Variants in SCN3A observed in about 807,000 individuals in gnomAD.
The protein encoded by SCN3A is sodium channel protein type 3 subunit alpha.
A neutral mutation model predicts 187.6 loss-of-function variants in SCN3A; 60 were observed. That is an observed-to-expected ratio of 0.32 (90% CI 0.26 to 0.40). The LOEUF (loss-of-function observed/expected upper bound fraction) is 0.40. Among genes scored for constraint, SCN3A ranks in the 10% least tolerant of loss-of-function variants. The pLI is 1.00. For synonymous variants in SCN3A, 788 were observed against 829.2 expected, an observed-to-expected ratio of 0.95 and a Z score of 0.85; for missense variants, 1,601 against 2,428.2, an observed-to-expected ratio of 0.66 and a Z score of 7.16.
chr2:165,196,693 A>T (rs1203157429), intron 1 of SCN3A, among the ~76,000 whole-genome samples: 3 of 152,156 alleles, frequency 2.0e-5, no homozygotes, highest in African/African-American at 7.2e-5. Context: ...AGATTAATTC[A>T]CTTCTTTCTC....
chr2:165,150,571 T>C (rs1027905690), intron 11 of SCN3A, among the ~76,000 whole-genome samples: 2 of 152,180 alleles, frequency 1.3e-5, no homozygotes, highest in Non-Finnish European at 2.9e-5. Context: ...ATTGTGATGA[T>C]TTGGTCACTA....
chr2:165,123,795 T>C (rs1207788050), intron 18 of SCN3A, among the ~76,000 whole-genome samples: 1 of 152,190 alleles, frequency 6.6e-6, no homozygotes, highest in Non-Finnish European at 1.5e-5. Flanking sequence ...AAATGCACTT[T>C]GCTAGAACTC....
chr2:165,172,165 C>G (rs540418218), intron 3 of SCN3A, among the ~76,000 whole-genome samples: 51 of 151,934 alleles, frequency 3.4e-4, no homozygotes, highest in Non-Finnish European at 4.3e-4. Context: ...CTTAACTAAC[C>G]ATTTTCCAGA....
chr2:165,114,908 T>A lies in SCN3A; in HGVS notation c.3514+547A>T, dbSNP rs534849259. ...GAGAATGAGAAAACAAAAAGACCTA[T>A]CAGATCATTTTAACTGTCCAGGAAT... is the stretch of plus-strand genomic sequence containing the variant. On this transcript the variant is annotated intron_variant, in intron 19 of 27. Transcript: ENST00000283254. Among the ~76,000 whole-genome samples, 3 of 152,268 alleles carry A rather than the reference T, an allele frequency of 2.0e-5. No individual in the cohort carries two copies. In the South Asian group the frequency reaches 6.2e-4, roughly 32 times the overall value.
intron 16 of SCN3A, 101 bp downstream of exon 16, chr2:165,131,143 T>C: frequency 1.5e-6 from 1 of 675,414 alleles, no homozygotes; most frequent in Non-Finnish European, 2.1e-6. Context: ...CATATTGATG[T>C]AAATTTAAAA....
At chr2:165,200,193 A>G (rs1278333780) in intron 1 of SCN3A, among the ~76,000 whole-genome samples, 1 of 152,116 alleles carries the variant, frequency 6.6e-6, no homozygotes, top group African/African-American at 2.4e-5. Context: ...GTACAGAAAT[A>G]GAGTTAAGTA....
intron 3 of SCN3A, among the ~76,000 whole-genome samples, chr2:165,174,009 C>G (rs568530709): frequency 6.6e-6 from 1 of 152,262 alleles, no homozygotes; most frequent in Admixed American, 6.5e-5. Context: ...CTCACATTAA[C>G]CAAACTTGAA....
At chr2:165,191,345 T>C (rs1691599774) in intron 1 of SCN3A, among the ~76,000 whole-genome samples, 1 of 152,076 alleles carries the variant, frequency 6.6e-6, no homozygotes, top group Non-Finnish European at 1.5e-5. Context: ...AATCGAATCA[T>C]ATCATTCCTC....
At chr2:165,135,979 A>T (rs900311936) in intron 15 of SCN3A, among the ~76,000 whole-genome samples, 1 of 152,128 alleles carries the variant, frequency 6.6e-6, no homozygotes, top group African/African-American at 2.4e-5. Flanking sequence ...TCATTATTTC[A>T]GTTACTACCC....
At chr2:165,152,087 G>A (rs1688717360) in intron 11 of SCN3A, among the ~76,000 whole-genome samples, 1 of 152,088 alleles carries the variant, frequency 6.6e-6, no homozygotes, top group African/African-American at 2.4e-5. Context: ...TAATTTTTAT[G>A]GGAATACAAA....
At chr2:165,172,326 C>A (rs1272889277) in intron 3 of SCN3A, among the ~76,000 whole-genome samples, 2 of 152,144 alleles carry the variant, frequency 1.3e-5, no homozygotes, top group African/African-American at 2.4e-5. Context: ...ACTTAACTAA[C>A]AATTTTCCAG....
In SCN3A at chr2:165,203,915, C is replaced by CTTTTTTTTTT. The variant is rs762858535; in HGVS notation, c.-350_-341dup. ...CGTGTCTTCCTCTGCAGCTGTTCAG[C>CTTTTTTTTTT]TTTTTTTTTTTTTTTTTTTTTTGAC... is the stretch of plus-strand genomic sequence containing the variant. On this transcript the variant is annotated 5_prime_UTR_variant, in exon 1 of 28. Coordinates refer to ENST00000283254, the MANE Select transcript of SCN3A (RefSeq NM_006922.4). 2.1e-5 allele frequency: 2 copies of CTTTTTTTTTT among 94,684 alleles called. No individual in the cohort carries two copies. Among genetic ancestry groups the CTTTTTTTTTT allele is most frequent in the African/African-American group, 4.5e-5 (1 of 22,114 alleles). 5.9% of individuals were successfully genotyped at this position (94,684 alleles called of 1,614,324 possible).
At chr2:165,170,584 G>GC in intron 3 of SCN3A, 36 bp from the exon 4 acceptor site, 4 of 1,224,876 alleles carry the variant, frequency 3.3e-6, no homozygotes, top group Non-Finnish European at 4.8e-6. Flanking sequence ...TACTAAATTA[G>GC]ACATGGGCTT....
rs202025871 is a variant in SCN3A at position 165,123,453 on chromosome 2, CA to C, written c.3393+4177del. On this transcript the variant is annotated intron_variant, in intron 18 of 27. Transcript: ENST00000283254. ...TACAGTAACTAGAGTTTCCAAATAC[CA>C]TCTAAATTAATGATTAATTTACTGT... 1.8e-3 allele frequency among the ~76,000 whole-genome samples: 272 copies of C among 152,036 alleles called. 1 individual carries two copies. Among genetic ancestry groups the C allele is most frequent in the East Asian group, 9.7e-4 (5 of 5,178 alleles).
chr2:165,127,807 C>T lies in SCN3A; in HGVS notation c.3217G>A (p.Gly1073Ser). 6.2e-7 allele frequency: 1 copy of T among 1,614,144 alleles called. No individual in the cohort carries two copies. Among genetic ancestry groups the T allele is most frequent in the South Asian group, 1.1e-5 (1 of 91,076 alleles). The change falls in exon 18 of 28, where the codon GGT (glycine) becomes AGT (serine). Residue 1073 changes from glycine (G) to serine (S), a missense_variant. Physicochemically the swap from Gly to Ser is moderately conservative, Grantham distance 56. Around this residue, in one of 11 missense-constraint regions of SCN3A, gnomAD observed 267 missense variants for 313.2 expected, o/e 0.85. Transcript: ENST00000283254. Reference protein sequence around the residue: ...YLRDGNGTTSGVGTGSSVEKY... With the variant: ...YLRDGNGTTSSVGTGSSVEKY... Reference sequence around the variant, plus strand: ...TCAACACTGCTTCCAGTACCTACACCACTGGTGGTTCCATTCCCATCTCTA... The same window carrying T: ...TCAACACTGCTTCCAGTACCTACACTACTGGTGGTTCCATTCCCATCTCTA...
chr2:165,092,661 CTT>C lies in SCN3A; in HGVS notation c.4537-139_4537-138del. ...ATATTACCCCAAACAATTTTGTGTG[CTT>C]TTTTTCTCTTCATGTTAAAAAAAAT... On this transcript the variant is annotated intron_variant, in intron 26 of 27. Transcript: ENST00000283254. This position sits in a 1 kb window ranked among gnomAD's most constrained non-coding sequence, Gnocchi z 4.2. 1 of 781,778 alleles carries C rather than the reference CTT, an allele frequency of 1.3e-6. No individual in the cohort carries two copies. The allele number at this position is 781,778 out of a possible 1,614,324, so 48.4% of individuals were successfully genotyped here. A position where few individuals can be genotyped will look rare whatever the true frequency, so the allele number is the denominator to read the frequency against.
Position 165,153,987 on chromosome 2 carries a change from ATTTTTT to A in SCN3A, c.1380+459_1380+464del, listed in dbSNP as rs71393659. Among the ~76,000 whole-genome samples, 46 of 92,766 alleles carry A rather than the reference ATTTTTT, an allele frequency of 5.0e-4. 1 individual carries two copies. The highest frequency in any genetic ancestry group is 1.8e-3 in the African/African-American group (38 of 21,280). 60.9% of individuals were successfully genotyped at this position (92,766 alleles called of 152,430 possible). A position where few individuals can be genotyped will look rare whatever the true frequency, so the allele number is the denominator to read the frequency against. On this transcript the variant is annotated intron_variant, in intron 11 of 27. Transcript: ENST00000283254. The stretch of plus-strand genomic sequence containing the variant: ...TATCCTGATGTGGGCTATAGCAAAC[ATTTTTT>A]TTTTTTTTTTTTTTTGCTACAGAAA...
chr2:165,113,852 G>C lies in SCN3A; in HGVS notation c.3633C>G (p.Phe1211Leu). The C allele has an allele frequency of 6.2e-7, 1 of 1,613,988 alleles. No homozygotes were observed. The highest frequency in any genetic ancestry group is 8.5e-7 in the Non-Finnish European group (1 of 1,179,916). ...SIVEHNWFET[F>L]IVFMILLSSG... is the part of the protein sequence containing the mutation. ...TACTGAGAAGGATCATGAACACAATGAAAGTCTCAAACCAGTTGTGCTCAA... is the reference window on the plus strand; with the variant it reads ...TACTGAGAAGGATCATGAACACAATCAAAGTCTCAAACCAGTTGTGCTCAA... Residue 1211 changes from phenylalanine (F) to leucine (L), a missense_variant, in exon 20 of 28, where the codon TTC becomes TTG. Transcript: ENST00000283254.
At position 165,090,515 on chromosome 2, in the gene SCN3A, C is replaced by A. The variant is rs991413984; in HGVS notation, c.5638G>T (p.Ala1880Ser). The A allele has an allele frequency of 6.2e-7, 1 of 1,613,984 alleles. No individual in the cohort carries two copies. The highest frequency in any genetic ancestry group is 8.5e-7 in the Non-Finnish European group (1 of 1,179,960). The change falls in exon 28 of 28, where the codon GCA becomes TCA. Residue 1880 changes from alanine to serine, a missense_variant. Transcript: ENST00000283254. This position sits in a 1 kb window ranked among gnomAD's most constrained non-coding sequence, Gnocchi z 4.0. ...TAAGAGACTTTGGAGGGGTTTGATGCCATAAACCTGTCTTCCATCTGTATT... is the reference window on the plus strand; with the variant it reads ...TAAGAGACTTTGGAGGGGTTTGATGACATAAACCTGTCTTCCATCTGTATT... ...LRIQMEDRFM[A>S]SNPSKVSYEP... is the part of the protein sequence containing the mutation.
Sources: allele counts gnomAD v4.1 joint callset (sites outside exome capture counted in the v4.1 genomes callset), GRCh38; gene constraint gnomAD v4.1.1; regional missense constraint gnomAD v4.1.1; non-coding constraint Gnocchi (gnomAD v3.1); transcripts MANE v1.5; gene names NCBI Gene and HGNC (gene_info 2026-07-23, HGNC 2026-07-21).